F2RL2: variants seen among roughly 807,000 people sequenced by gnomAD.
F2RL2 encodes the protein proteinase-activated receptor 3.
F2RL2 carries 4 observed loss-of-function variants against 4.3 expected under a neutral mutation model. The observed-to-expected ratio is 0.93, with a 90% confidence interval of 0.46 to 2.12. The LOEUF is 2.12. F2RL2 is among the 30% of genes most tolerant of loss of function. The pLI, the probability that F2RL2 is intolerant of heterozygous loss-of-function variation, is 0.02. For synonymous variants in F2RL2, 166 were observed against 170.9 expected (o/e 0.97, Z 0.22); for missense variants, 408 against 449.3 (o/e 0.91, Z 0.83).
At position 76,617,828 on chromosome 5, in the gene F2RL2, A is replaced by G. The variant is rs1324449501; in HGVS notation, c.879T>C (p.Asp293=). 5 of 1,613,852 alleles carry G rather than the reference A, an allele frequency of 3.1e-6. No homozygotes were observed. The African/African-American group carries it at 4.0e-5, about 13-fold the overall frequency. ...AAIIRTLNAY[D]HRWLWYVKAS... is the part of the protein sequence containing the mutation. ...CCTTAACATACCACAACCATCTATG[A>G]TCGTATGCATTAAGTGTCCGGATGA... Residue 293 remains aspartate, a synonymous_variant, in exon 2 of 2, where the codon GAT becomes GAC. Coordinates refer to ENST00000296641, the MANE Select transcript of F2RL2 (RefSeq NM_004101.4).
At chr5:76,622,274 C>A (rs1195433106) in intron 1 of F2RL2, among the ~76,000 whole-genome samples, 1 of 152,184 alleles carries the variant, frequency 6.6e-6, no homozygotes, top group Non-Finnish European at 1.5e-5. Flanking sequence ...GGCCCATCTA[C>A]TCCCAGAAAG....
rs1383989200 is a variant in F2RL2, at chr5:76,618,168, G to A, written c.539C>T (p.Ser180Phe). 1.2e-6 allele frequency: 2 copies of A among 1,614,052 alleles called. No homozygotes were observed. The highest frequency in any genetic ancestry group is 1.7e-6 in the Non-Finnish European group (2 of 1,180,048). The change falls in exon 2 of 2, where the codon TCC (serine) becomes TTC (phenylalanine). Residue 180 changes from serine (S) to phenylalanine (F), a missense_variant. Physicochemically the swap from Ser to Phe is radical, Grantham distance 155. Coordinates refer to ENST00000296641, the MANE Select transcript of F2RL2 (RefSeq NM_004101.4). The part of the protein sequence containing the change: ...TVIFYGNMYC[S>F]ILLLACISIN... ...GCTGATGCAGGCAAGGAGCAGAATG[G>A]AGCAGTACATGTTGCCATAGAAGAT...
In F2RL2 at chr5:76,616,041, G is replaced by C. The variant is rs1748932128; in HGVS notation, c.*1541C>G. On this transcript the variant is annotated 3_prime_UTR_variant, in exon 2 of 2. Coordinates refer to ENST00000296641, the MANE Select transcript of F2RL2 (RefSeq NM_004101.4). ...AAAGCATGGAGCTGGGTGCCACAAA[G>C]ACTTGGGCCTGGCATCACCCAGAAG... 6.6e-6 allele frequency: 1 copy of C among 152,614 alleles called. No homozygotes were observed. The highest frequency in any genetic ancestry group is 1.5e-5 in the Non-Finnish European group (1 of 68,044). 9.5% of individuals were successfully genotyped at this position (152,614 alleles called of 1,614,324 possible).
intron 1 of F2RL2, among the ~76,000 whole-genome samples, chr5:76,621,183 C>T (rs1749630032): frequency 6.6e-6 from 1 of 152,174 alleles, no homozygotes; most frequent in African/African-American, 2.4e-5. Context: ...GTTTCTCTTC[C>T]TGCTTTAATC....
Position 76,617,952 on chromosome 5 carries a change from C to G in F2RL2, c.755G>C (p.Cys252Ser). The G allele has an allele frequency of 1.9e-6, 3 of 1,614,042 alleles. No individual in the cohort carries two copies. Among genetic ancestry groups the G allele is most frequent in the African/African-American group, 2.7e-5 (2 of 74,992 alleles). Residue 252 changes from cysteine to serine, a missense_variant, in exon 2 of 2, where the codon TGC becomes TCC. Transcript: ENST00000296641. ...GAGTTGGAAGGGAGATGAGGACTCG[C>G]AAGTGTTGTGAACATCATGGCAGGT... ...ITTCHDVHNT[C>S]ESSSPFQLYY...
intron 1 of F2RL2, among the ~76,000 whole-genome samples, chr5:76,620,696 G>T (rs1410208552): frequency 6.6e-6 from 1 of 152,140 alleles, no homozygotes; most frequent in African/African-American, 2.4e-5. Flanking sequence ...CCTAGGGGGA[G>T]TTATGAGAAG....
At chr5:76,619,481 G>GGATTTT (rs1448550602) in intron 1 of F2RL2, among the ~76,000 whole-genome samples, 3 of 151,590 alleles carry the variant, frequency 2.0e-5, no homozygotes, top group African/African-American at 7.3e-5. Context: ...CTAGCAAAAG[G>GGATTTT]GATTTTGCAG....
Position 76,623,200 on chromosome 5 carries a change from G to A in F2RL2, c.31C>T (p.Leu11Phe), listed in dbSNP as rs754540183. The change falls in exon 1 of 2, where the codon CTC becomes TTC. Residue 11 changes from leucine to phenylalanine, a missense_variant. Leu to Phe is a conservative substitution (Grantham distance 22). Coordinates refer to ENST00000296641, the MANE Select transcript of F2RL2 (RefSeq NM_004101.4). The part of the protein sequence containing the change: MKALIFAAAG[L>F]LLLLPTFCQS... ...CAAAAAGTGGGCAACAGAAGCAGGA[G>A]GCCAGCAGCTGCAAAGATGAGGGCT... 12 of 1,614,070 alleles carry A rather than the reference G, an allele frequency of 7.4e-6. No individual in the cohort carries two copies. The highest frequency in any genetic ancestry group is 9.3e-6 in the Non-Finnish European group (11 of 1,180,040).
In F2RL2 at chr5:76,618,304, G is replaced by T; in HGVS notation, c.403C>A (p.Leu135Met). Residue 135 changes from leucine (L) to methionine (M), a missense_variant, in exon 2 of 2, where the codon CTG (leucine) becomes ATG (methionine). Coordinates refer to ENST00000296641, the MANE Select transcript of F2RL2 (RefSeq NM_004101.4). ...CAAAAAAGAAAATCTGCAATGGCCA[G>T]GTTGGTGTAGAATACAGTGGTACAG... ...SICTTVFYTNLAIADFLFCVT... is the reference protein window; with the variant it reads ...SICTTVFYTNMAIADFLFCVT... The T allele has an allele frequency of 6.2e-7, 1 of 1,614,202 alleles. No homozygotes were observed. Among genetic ancestry groups the T allele is most frequent in the South Asian group, 1.1e-5 (1 of 91,084 alleles).
At position 76,617,735 on chromosome 5, in the gene F2RL2, G is replaced by C; in HGVS notation, c.972C>G (p.His324Gln). The C allele has an allele frequency of 6.2e-7, 1 of 1,614,016 alleles. No individual in the cohort carries two copies. The highest frequency in any genetic ancestry group is 8.5e-7 in the Non-Finnish European group (1 of 1,179,942). Residue 324 changes from histidine to glutamine, a missense_variant, in exon 2 of 2, where the codon CAC becomes CAG. By Grantham distance (24) the His-to-Gln change is conservative. Coordinates refer to ENST00000296641, the MANE Select transcript of F2RL2 (RefSeq NM_004101.4). ...TGTTGTTGTAGTAGTAGTTAGCATG[G>C]TGAATAATAAGAATAATATTGCTTG... ...FAPSNIILII[H>Q]HANYYYNNTD...
rs1284279394 is a variant in F2RL2 at position 76,617,088 on chromosome 5, A to G, written c.*494T>C. The G allele has an allele frequency of 6.5e-6, 1 of 153,974 alleles. No homozygotes were observed. The allele number at this position is 153,974 out of a possible 1,614,324, so 9.5% of individuals were successfully genotyped here. A position where few individuals can be genotyped will look rare whatever the true frequency, so the allele number is the denominator to read the frequency against. On this transcript the variant is annotated 3_prime_UTR_variant, in exon 2 of 2. Transcript: ENST00000296641. ...AAGGCAAATGGAAATGTCATTTTCCATAGAGTTGTGATATCTTTTCTCCTG... is the reference window on the plus strand; with the variant it reads ...AAGGCAAATGGAAATGTCATTTTCCGTAGAGTTGTGATATCTTTTCTCCTG...
chr5:76,620,967 G>A (rs904030987), intron 1 of F2RL2, among the ~76,000 whole-genome samples: 1 of 152,066 alleles, frequency 6.6e-6, no homozygotes, highest in African/African-American at 2.4e-5. Flanking sequence ...ATAACTTTTT[G>A]TAACCCTTTC....
Position 76,617,868 on chromosome 5 carries a change from T to C in F2RL2, c.839A>G (p.Tyr280Cys). 1 of 1,614,024 alleles carries C rather than the reference T, an allele frequency of 6.2e-7. No homozygotes were observed. Among genetic ancestry groups the C allele is most frequent in the Non-Finnish European group, 8.5e-7 (1 of 1,179,984 alleles). The change falls in exon 2 of 2, where the codon TAC becomes TGC. Residue 280 changes from tyrosine to cysteine, a missense_variant. Physicochemically the swap from Tyr to Cys is radical, Grantham distance 194 (BLOSUM62 -2). Coordinates refer to ENST00000296641, the MANE Select transcript of F2RL2 (RefSeq NM_004101.4). Reference sequence around the variant, plus strand: ...TGTCCGGATGATGGCTGCATAGCAGTAGATGATAAGCACAAATGGAATTAA... The same window carrying C: ...TGTCCGGATGATGGCTGCATAGCAGCAGATGATAAGCACAAATGGAATTAA... ...GFLIPFVLII[Y>C]CYAAIIRTLN...
chr5:76,617,582 C>T lies in F2RL2; in HGVS notation c.1125G>A (p.Ter375=). The T allele has an allele frequency of 1.2e-6, 2 of 1,602,170 alleles. No homozygotes were observed. Among genetic ancestry groups the T allele is most frequent in the Non-Finnish European group, 1.7e-6 (2 of 1,174,236 alleles). Residue 375 remains the stop codon, a stop_retained_variant, in exon 2 of 2, where the codon TAG becomes TAA. Transcript: ENST00000296641. The stretch of plus-strand genomic sequence containing the variant: ...GTCCTTGTTCTCTAAGATCATTTCA[C>T]TATTTTGTAAGGTAAGCAGTGGAGT... The part of the protein sequence containing the change: ...RNHSTAYLTK[*]
chr5:76,622,517 C>A (rs1257924775), intron 1 of F2RL2, among the ~76,000 whole-genome samples: 1 of 152,120 alleles, frequency 6.6e-6, no homozygotes, highest in Non-Finnish European at 1.5e-5. Context: ...CAGGTACAGA[C>A]CTATCCCAAA....
Position 76,617,738 on chromosome 5 carries a change from A to C in F2RL2, c.969T>G (p.Ile323Met), listed in dbSNP as rs371571142. ...TGTTGTAGTAGTAGTTAGCATGGTG[A>C]ATAATAAGAATAATATTGCTTGGAG... ...CFAPSNIILIIHHANYYYNNT... is the reference protein window; with the variant it reads ...CFAPSNIILIMHHANYYYNNT... The change falls in exon 2 of 2, where the codon ATT (isoleucine) becomes ATG (methionine). Residue 323 changes from isoleucine to methionine, a missense_variant. Transcript: ENST00000296641. The C allele has an allele frequency of 1.2e-6, 2 of 1,613,946 alleles. No homozygotes were observed. The highest frequency in any genetic ancestry group is 2.2e-5 in the South Asian group (2 of 91,068).
chr5:76,617,462 T>A lies in F2RL2; in HGVS notation c.*120A>T, dbSNP rs1561514821. 1 of 711,442 alleles carries A rather than the reference T, an allele frequency of 1.4e-6. No individual in the cohort carries two copies. The highest frequency in any genetic ancestry group is 1.8e-5 in the African/African-American group (1 of 55,750). The allele number at this position is 711,442 out of a possible 1,614,324, so 44.1% of individuals were successfully genotyped here. A position where few individuals can be genotyped will look rare whatever the true frequency, so the allele number is the denominator to read the frequency against. On this transcript the variant is annotated 3_prime_UTR_variant, in exon 2 of 2. Coordinates refer to ENST00000296641, the MANE Select transcript of F2RL2 (RefSeq NM_004101.4). Reference sequence around the variant, plus strand: ...CAAACTACTAATGCTTTTGTAATGTTTGACCTTTGAAGCATATTTCTTAGG... The same window carrying A: ...CAAACTACTAATGCTTTTGTAATGTATGACCTTTGAAGCATATTTCTTAGG...
intron 1 of F2RL2, among the ~76,000 whole-genome samples, 173 bp from the exon 2 acceptor site, chr5:76,618,815 C>T (rs1440742551): frequency 6.6e-6 from 1 of 152,104 alleles, no homozygotes; most frequent in Non-Finnish European, 1.5e-5. Flanking sequence ...TCATATGCCC[C>T]AGAACAACAC....
chr5:76,618,527 T>C lies in F2RL2; in HGVS notation c.180A>G (p.Thr60=). ...TAATTTTTACAGTAATCGTGGCTCCTGTCCAGCCTTCCAAGGCAGAAAAGG... is the reference window on the plus strand; with the variant it reads ...TAATTTTTACAGTAATCGTGGCTCCCGTCCAGCCTTCCAAGGCAGAAAAGG... The part of the protein sequence containing the change: ...EFPFSALEGW[T]GATITVKIKC... Residue 60 remains threonine, a synonymous_variant, in exon 2 of 2, where the codon ACA becomes ACG. Transcript: ENST00000296641. 1 of 1,614,178 alleles carries C rather than the reference T, an allele frequency of 6.2e-7. No individual in the cohort carries two copies. The highest frequency in any genetic ancestry group is 8.5e-7 in the Non-Finnish European group (1 of 1,180,018).
Sources: gnomAD v4.1 joint callset for allele counts (sites outside exome capture counted in the v4.1 genomes callset) on GRCh38, gnomAD v4.1.1 for gene constraint, MANE v1.5 for transcripts, NCBI Gene and HGNC (gene_info 2026-07-23, HGNC 2026-07-21) for gene names.